Variants in OR51B5 observed in about 807,000 individuals in gnomAD.
OR51B5 encodes olfactory receptor family 51 subfamily B member 5.
For synonymous variants in OR51B5, 186 were observed against 144.8 expected (o/e 1.28, Z -2.04); for missense variants, 456 against 374.6 (o/e 1.22, Z -1.79).
intron 1 of OR51B5, chr11:5,455,236 G>A (rs918705169): frequency 1.3e-5 from 2 of 152,140 alleles, no homozygotes; most frequent in Admixed American, 1.3e-4. Context: ...GGGGAAAGGG[G>A]GAATTGTGGT....
chr11:5,478,239 C>G (rs973971025), intron 1 of OR51B5, among the ~76,000 whole-genome samples: 1 of 152,048 alleles, frequency 6.6e-6, no homozygotes, highest in African/African-American at 2.4e-5. Context: ...AGGCACCCCC[C>G]AGCAGGGGCA....
At chr11:5,431,435 G>A (rs555649875) in intron 1 of OR51B5, 104 of 209,068 alleles carry the variant, frequency 5.0e-4, no homozygotes, top group Non-Finnish European at 7.7e-4. Flanking sequence ...GCTCATGTAG[G>A]GCAGAGTCTT....
chr11:5,400,943 G>A (rs781233428), intron 1 of OR51B5, among the ~76,000 whole-genome samples: 8 of 152,188 alleles, frequency 5.3e-5, no homozygotes, highest in East Asian at 1.9e-4. Flanking sequence ...CAGCACATGC[G>A]GGAAGCATGT....
intron 1 of OR51B5, among the ~76,000 whole-genome samples, chr11:5,426,906 C>T (rs927094814): frequency 1.3e-5 from 2 of 152,200 alleles, no homozygotes; most frequent in African/African-American, 4.8e-5. Flanking sequence ...AGTCAGTTGT[C>T]ATCACATCCA....
At chr11:5,454,538 G>A (rs1263231831) in intron 1 of OR51B5, 11 of 899,004 alleles carry the variant, frequency 1.2e-5, no homozygotes, top group Non-Finnish European at 1.9e-5. Flanking sequence ...GGAAAAGTAG[G>A]CCAGGAGATG....
chr11:5,441,501 T>C lies in OR51B5; in HGVS notation n.84+64068A>G, dbSNP rs377527421. 4.7e-5 allele frequency: 75 copies of C among 1,611,408 alleles called. No individual in the cohort carries two copies. In the East Asian group the frequency reaches 1.2e-3, roughly 26 times the overall value. On this transcript the variant is annotated intron_variant and non_coding_transcript_variant, in intron 1 of 4. Transcript: ENST00000415970. Reference sequence around the variant, plus strand: ...TGTTGCTGGCTGGAAGGGGGTGCCATTGAGACCCAGCATGGTGGGAGAATA... The same window carrying C: ...TGTTGCTGGCTGGAAGGGGGTGCCACTGAGACCCAGCATGGTGGGAGAATA...
At chr11:5,423,772 G>A (rs2736584) in intron 1 of OR51B5, among the ~76,000 whole-genome samples, 58,085 of 151,882 alleles carry the variant, frequency 0.38, 11,683 homozygotes, top group East Asian at 0.7. Flanking sequence ...CACTCAGCAA[G>A]CAAAATAAAC....
At chr11:5,352,194 A>G in intron 1 of OR51B5, 1 of 1,614,098 alleles carries the variant, frequency 6.2e-7, no homozygotes, top group Non-Finnish European at 8.5e-7. Context: ...TTGGTTCTGG[A>G]GGAGAAAGGG....
chr11:5,351,841 G>T (rs1849094070), intron 1 of OR51B5: 2 of 1,613,968 alleles, frequency 1.2e-6, no homozygotes, highest in East Asian at 4.5e-5. Context: ...GGAGTCAGGT[G>T]TCTTGCTTGC....
intron 1 of OR51B5, among the ~76,000 whole-genome samples, chr11:5,377,157 T>G (rs887456660): frequency 1.1e-4 from 17 of 152,088 alleles, no homozygotes; most frequent in African/African-American, 4.1e-4. Flanking sequence ...TGGTTCAATA[T>G]ATGCAAATCA....
intron 1 of OR51B5, chr11:5,454,726 A>G (rs1850925533): frequency 1.0e-5 from 2 of 200,904 alleles, no homozygotes; most frequent in Non-Finnish European, 1.0e-5. Context: ...TATTACTAAT[A>G]TAATAATTAA....
intron 1 of OR51B5, among the ~76,000 whole-genome samples, chr11:5,438,362 C>G (rs397848674): frequency 0.01 from 1,285 of 125,812 alleles, 18 homozygotes; most frequent in African/African-American, 0.034. Flanking sequence ...AACACCCCCC[C>G]CCAGTTATCC....
intron 1 of OR51B5, among the ~76,000 whole-genome samples, chr11:5,432,090 C>T (rs942973551): frequency 5.9e-5 from 9 of 152,010 alleles, no homozygotes; most frequent in African/African-American, 2.2e-4. Flanking sequence ...CTCTAGTTAC[C>T]CTACTCTGCT....
chr11:5,422,847 T>C (rs1338313631), intron 1 of OR51B5: 7 of 1,614,060 alleles, frequency 4.3e-6, no homozygotes, highest in Non-Finnish European at 5.9e-6. Flanking sequence ...CCTCTGCTCA[T>C]TGTGATCTCC....
chr11:5,503,136 T>C (rs796925999), intron 1 of OR51B5, among the ~76,000 whole-genome samples: 82 of 152,334 alleles, frequency 5.4e-4, no homozygotes, highest in African/African-American at 1.9e-3. Flanking sequence ...AATTTTTCTA[T>C]ATTCTTATTT....
intron 1 of OR51B5, among the ~76,000 whole-genome samples, chr11:5,472,727 G>A (rs923671004): frequency 4.6e-5 from 7 of 152,168 alleles, no homozygotes; most frequent in Non-Finnish European, 8.8e-5. Flanking sequence ...GAGAGCTGAC[G>A]CCCAGGAAGA....
intron 1 of OR51B5, among the ~76,000 whole-genome samples, chr11:5,373,704 C>A (rs566447172): frequency 1.5e-4 from 23 of 152,188 alleles, no homozygotes; most frequent in Non-Finnish European, 1.2e-4. Flanking sequence ...GAGGGTCCTA[C>A]GCCCACGGAG....
At chr11:5,375,691 A>G (rs1306294245) in intron 1 of OR51B5, among the ~76,000 whole-genome samples, 58 of 152,294 alleles carry the variant, frequency 3.8e-4, no homozygotes, top group African/African-American at 1.1e-3. Context: ...CTTTAAACCA[A>G]CAAAGATCAA....
intron 1 of OR51B5, among the ~76,000 whole-genome samples, chr11:5,435,460 C>T (rs767899447): frequency 7.0e-6 from 1 of 142,066 alleles, no homozygotes; most frequent in Non-Finnish European, 1.6e-5. Flanking sequence ...TGTATCCCTA[C>T]CAGACCATAA....
Sources: allele counts gnomAD v4.1 joint callset (sites outside exome capture counted in the v4.1 genomes callset), GRCh38; gene constraint gnomAD v4.1.1; transcripts MANE v1.5; gene names NCBI Gene and HGNC (gene_info 2026-07-23, HGNC 2026-07-21).